KIF16B: variants seen among roughly 807,000 people sequenced by gnomAD.
The protein encoded by KIF16B is kinesin-like protein KIF16B.
A neutral mutation model predicts 156.3 loss-of-function variants in KIF16B; 98 were observed. The ratio of observed to expected loss-of-function variants is 0.63; its 90% CI spans 0.53 to 0.74. The LOEUF (loss-of-function observed/expected upper bound fraction) is 0.74. KIF16B is among the 30% of genes least tolerant of loss of function. The probability of loss-of-function intolerance (pLI) is 0.00; values close to 1 mark genes in which losing one functional copy is unlikely to be tolerated. For missense variants in KIF16B, 1,421 were observed against 1,606.5 expected, an observed-to-expected ratio of 0.88 and a Z score of 1.97; for synonymous variants, 564 against 583.7, an observed-to-expected ratio of 0.97 and a Z score of 0.49.
chr20:16,494,740 A>G (rs547217373), intron 11 of KIF16B, among the ~76,000 whole-genome samples: 32 of 152,304 alleles, frequency 2.1e-4, no homozygotes, highest in Non-Finnish European at 4.1e-4. Flanking sequence ...TTTATTTCTA[A>G]TTAGATGTGA....
intron 12 of KIF16B, among the ~76,000 whole-genome samples, chr20:16,458,367 C>G (rs1181989062): frequency 2.6e-5 from 4 of 152,164 alleles, no homozygotes; most frequent in African/African-American, 9.7e-5. Context: ...TAGGCAATTG[C>G]TCAGCCCAAC....
At chr20:16,406,488 C>T (rs1212588412) in intron 15 of KIF16B, 32 bp from the exon 16 acceptor site, 2 of 1,590,316 alleles carry the variant, frequency 1.3e-6, no homozygotes, top group African/African-American at 1.3e-5. Context: ...AATGAATTTA[C>T]AGTAAGCAGT....
At chr20:16,439,560 C>T (rs1020650069) in intron 12 of KIF16B, among the ~76,000 whole-genome samples, 1 of 152,156 alleles carries the variant, frequency 6.6e-6, no homozygotes, top group Non-Finnish European at 1.5e-5. Flanking sequence ...ATCTCCATAG[C>T]TTGCCCTTTC....
chr20:16,296,702 T>C lies in KIF16B; in HGVS notation c.3795+15633A>G, dbSNP rs567944010. 8.9e-4 allele frequency among the ~76,000 whole-genome samples: 136 copies of C among 152,258 alleles called. 1 individual carries two copies. Among genetic ancestry groups the C allele is most frequent in the South Asian group, 8.5e-3 (41 of 4,826 alleles). On this transcript the variant is annotated intron_variant, in intron 25 of 25. Transcript: ENST00000354981. ...ATTAGAATATCTAAAGCTCAACAAA[T>C]GGAAAAATTACCAACACAGCCGTAT...
In KIF16B at chr20:16,573,244, C is replaced by T. The variant is rs1433766463; in HGVS notation, c.32G>A (p.Arg11Gln). 2 of 1,602,390 alleles carry T rather than the reference C, an allele frequency of 1.2e-6. No homozygotes were observed. Among genetic ancestry groups the T allele is most frequent in the Admixed American group, 1.7e-5 (1 of 59,104 alleles). Reference protein sequence around the residue: MASVKVAVRVRPMNRREKDLE... With the variant: MASVKVAVRVQPMNRREKDLE... ...CCCCACTCACCTGCGATTCATGGGC[C>T]GGACCCTCACGGCCACCTTGACCGA... is the stretch of plus-strand genomic sequence containing the variant. The change falls in exon 1 of 26, where the codon CGG becomes CAG. Residue 11 changes from arginine to glutamine, a missense_variant. Physicochemically the swap from Arg to Gln is conservative, Grantham distance 43. Transcript: ENST00000354981.
chr20:16,533,953 A>T (rs1356000741), intron 1 of KIF16B, among the ~76,000 whole-genome samples: 1 of 151,426 alleles, frequency 6.6e-6, no homozygotes, highest in Admixed American at 6.6e-5. Flanking sequence ...GTTTAAAAAA[A>T]AATAAAAAAT....
intron 1 of KIF16B, among the ~76,000 whole-genome samples, chr20:16,530,903 G>A (rs2069724507): frequency 6.6e-6 from 1 of 151,982 alleles, no homozygotes. Context: ...GTTTTGCTGT[G>A]TTGCTCAGGC....
At chr20:16,279,020 C>G (rs527513207) in intron 25 of KIF16B, among the ~76,000 whole-genome samples, 1 of 152,164 alleles carries the variant, frequency 6.6e-6, no homozygotes, top group Non-Finnish European at 1.5e-5. Context: ...GCAAGGCTCA[C>G]GCTCTTCTAC....
At chr20:16,490,455 C>T (rs1047302928) in intron 12 of KIF16B, among the ~76,000 whole-genome samples, 3 of 152,068 alleles carry the variant, frequency 2.0e-5, no homozygotes, top group African/African-American at 4.8e-5. Flanking sequence ...GTATGAGAAT[C>T]GCTTGAAACT....
chr20:16,544,971 T>C (rs1278689070), intron 1 of KIF16B, among the ~76,000 whole-genome samples: 1 of 152,206 alleles, frequency 6.6e-6, no homozygotes, highest in East Asian at 1.9e-4. Flanking sequence ...CTTCAAAGCT[T>C]AAACTTTTAA....
intron 1 of KIF16B, among the ~76,000 whole-genome samples, chr20:16,536,108 G>A (rs972744678): frequency 2.0e-5 from 3 of 152,058 alleles, no homozygotes; most frequent in Non-Finnish European, 2.9e-5. Context: ...ATGAATGAAC[G>A]GATCAAGAAA....
chr20:16,309,885 A>T (rs2063593826), intron 25 of KIF16B, among the ~76,000 whole-genome samples: 1 of 152,194 alleles, frequency 6.6e-6, no homozygotes, highest in South Asian at 2.1e-4. Flanking sequence ...AGGAAAGGAA[A>T]TATCTCATTT....
At chr20:16,409,459 G>C (rs1488618827) in intron 15 of KIF16B, among the ~76,000 whole-genome samples, 4 of 151,992 alleles carry the variant, frequency 2.6e-5, no homozygotes, top group Non-Finnish European at 5.9e-5. Flanking sequence ...GACACTGAAG[G>C]GCTCTGTGCA....
intron 25 of KIF16B, among the ~76,000 whole-genome samples, chr20:16,311,756 C>T (rs951672982): frequency 1.3e-5 from 2 of 152,098 alleles, no homozygotes; most frequent in African/African-American, 4.8e-5. Flanking sequence ...GCAACTATAT[C>T]CCAAAAAAGA....
intron 1 of KIF16B, among the ~76,000 whole-genome samples, chr20:16,549,167 T>C (rs992857078): frequency 6.7e-6 from 1 of 149,840 alleles, no homozygotes; most frequent in Non-Finnish European, 1.5e-5. Context: ...ATTAGGTATA[T>C]CTCCCAATGC....
intron 1 of KIF16B, among the ~76,000 whole-genome samples, chr20:16,539,504 A>G (rs2070111256): frequency 6.6e-6 from 1 of 152,164 alleles, no homozygotes; most frequent in Non-Finnish European, 1.5e-5. Context: ...ATTTCTAAGC[A>G]GTGAGTAACT....
At chr20:16,494,246 T>C in intron 12 of KIF16B, 45 bp downstream of exon 12, 1 of 1,227,636 alleles carries the variant, frequency 8.1e-7, no homozygotes, top group Non-Finnish European at 1.2e-6. Context: ...GTTTTACCAG[T>C]TTAATCCACC....
chr20:16,359,486 A>C (rs1437495193), intron 22 of KIF16B, among the ~76,000 whole-genome samples: 1 of 152,172 alleles, frequency 6.6e-6, no homozygotes, highest in Non-Finnish European at 1.5e-5. Context: ...CAGAACCATG[A>C]GCCAATTAAA....
At chr20:16,478,610 T>G (rs2067886436) in intron 12 of KIF16B, among the ~76,000 whole-genome samples, 1 of 152,192 alleles carries the variant, frequency 6.6e-6, no homozygotes, top group African/African-American at 2.4e-5. Flanking sequence ...TTCCAGCATA[T>G]CCATGCTGTA....
Sources: gnomAD v4.1 joint callset for allele counts (sites outside exome capture counted in the v4.1 genomes callset) on GRCh38, gnomAD v4.1.1 for gene constraint, MANE v1.5 for transcripts, NCBI Gene and HGNC (gene_info 2026-07-23, HGNC 2026-07-21) for gene names.